The following RNF44 variants were observed in gnomAD, a reference collection of about 807,000 sequenced individuals.
RNF44 encodes the protein ring finger protein 44.
A neutral mutation model predicts 53.6 loss-of-function variants in RNF44; 25 were observed. The observed-to-expected ratio is 0.47, with a 90% CI of 0.34 to 0.65. RNF44 has a LOEUF of 0.65. Among genes scored for constraint, RNF44 ranks in the 30% least tolerant of loss-of-function variants. RNF44 has a pLI of 0.01. For missense variants in RNF44, 581 were observed against 595.5 expected, an observed-to-expected ratio of 0.98 and a Z score of 0.25; for synonymous variants, 282 against 252.2, an observed-to-expected ratio of 1.12 and a Z score of -1.12.
chr5:176,529,275 T>C lies in RNF44; in HGVS notation c.1236+13A>G, dbSNP rs754786900. 1.9e-6 allele frequency: 3 copies of C among 1,611,208 alleles called. No homozygotes were observed. The highest frequency in any genetic ancestry group is 2.2e-5 in the South Asian group (2 of 91,034). On this transcript the variant is annotated intron_variant, in intron 10 of 10. Coordinates refer to ENST00000274811, the MANE Select transcript of RNF44 (RefSeq NM_014901.5). ...CATGAGGAATACCCAGGAGCAGACC[T>C]GGGCAGTGTTACCTTCAACCACTTG...
chr5:176,527,691 G>GC lies in RNF44; in HGVS notation c.*1336dup, dbSNP rs1756151646. The GC allele has an allele frequency of 1.3e-5, 2 of 152,376 alleles. No homozygotes were observed. Among genetic ancestry groups the GC allele is most frequent in the South Asian group, 4.1e-4 (2 of 4,828 alleles). 9.4% of individuals were successfully genotyped at this position (152,376 alleles called of 1,614,324 possible). A position where few individuals can be genotyped will look rare whatever the true frequency, so the allele number is the denominator to read the frequency against. On this transcript the variant is annotated 3_prime_UTR_variant, in exon 11 of 11. Transcript: ENST00000274811. Reference sequence around the variant, plus strand: ...AGGGGCTGCCTGCTAGGATGTGCCGGCCCCACACGCAGTTCGTTCAGGGCA... The same window carrying GC: ...AGGGGCTGCCTGCTAGGATGTGCCGGCCCCCACACGCAGTTCGTTCAGGGCA...
chr5:176,530,676 T>C lies in RNF44; in HGVS notation c.707A>G (p.Tyr236Cys). Residue 236 changes from tyrosine to cysteine, a missense_variant, in exon 6 of 11, where the codon TAC becomes TGC. Tyr to Cys is a radical substitution (Grantham distance 194). Coordinates refer to ENST00000274811, the MANE Select transcript of RNF44 (RefSeq NM_014901.5). The part of the protein sequence containing the change: ...GDQPSLGSFT[Y>C]STSAPGPALS... ...GGCTGGGCCAGGCGCAGAGGTGGAG[T>C]AGGTGAAGCTGCCCAGGGAGGGCTG... is the stretch of plus-strand genomic sequence containing the variant. The C allele has an allele frequency of 6.5e-7, 1 of 1,534,098 alleles. No individual in the cohort carries two copies. Among genetic ancestry groups the C allele is most frequent in the Admixed American group, 2.2e-5 (1 of 46,502 alleles).
upstream of RNF44, among the ~76,000 whole-genome samples, chr5:176,538,894 C>A (rs148399593): frequency 2.6e-3 from 391 of 152,214 alleles, 3 homozygotes; most frequent in African/African-American, 9.1e-3. Context: ...TTAGGGAGAA[C>A]TGGAAGGGAG....
Position 176,531,086 on chromosome 5 carries a change from G to A in RNF44, c.466-65C>T. ...GGGCTCTGGGCCAGGTCTACGCCAT[G>A]CCACCCAGCAAAAGGCCCCCACCGG... On this transcript the variant is annotated intron_variant, in intron 4 of 10. Coordinates refer to ENST00000274811, the MANE Select transcript of RNF44 (RefSeq NM_014901.5). The surrounding 1 kb of genome is among the most constrained non-coding windows in gnomAD (Gnocchi z 4.2). 1 of 1,244,652 alleles carries A rather than the reference G, an allele frequency of 8.0e-7. No homozygotes were observed. The highest frequency in any genetic ancestry group is 1.1e-6 in the Non-Finnish European group (1 of 937,146). The allele number at this position is 1,244,652 out of a possible 1,614,324, so 77.1% of individuals were successfully genotyped here. A position where few individuals can be genotyped will look rare whatever the true frequency, so the allele number is the denominator to read the frequency against.
chr5:176,543,103 G>T, the RNF44 span, among the ~76,000 whole-genome samples: 1 of 151,304 alleles, frequency 6.6e-6, no homozygotes, highest in African/African-American at 2.4e-5. The surrounding 1 kb of genome is among the most constrained non-coding windows in gnomAD (Gnocchi z 4.0). Flanking sequence ...CCGCTGCCGG[G>T]CCCGGGACTG....
At position 176,531,053 on chromosome 5, in the gene RNF44, G is replaced by A. The variant is rs931008027; in HGVS notation, c.466-32C>T. ...AGAGAGGGGGCAGGGGGCTGAGAACGTTCTCCTGGGCTCTGGGCCAGGTCT... is the reference window on the plus strand; with the variant it reads ...AGAGAGGGGGCAGGGGGCTGAGAACATTCTCCTGGGCTCTGGGCCAGGTCT... On this transcript the variant is annotated intron_variant, in intron 4 of 10. Coordinates refer to ENST00000274811, the MANE Select transcript of RNF44 (RefSeq NM_014901.5). The surrounding 1 kb of genome is among the most constrained non-coding windows in gnomAD (Gnocchi z 4.2). 1.1e-5 allele frequency: 15 copies of A among 1,423,946 alleles called. No homozygotes were observed. Among genetic ancestry groups the A allele is most frequent in the South Asian group, 3.5e-5 (2 of 57,696 alleles). 88.2% of individuals were successfully genotyped at this position (1,423,946 alleles called of 1,614,324 possible).
upstream of RNF44, chr5:176,538,115 G>A (rs1213924581): frequency 1.3e-5 from 2 of 152,088 alleles, no homozygotes. Flanking sequence ...GAAGAGAGGC[G>A]GGGAACAGGT....
At position 176,531,457 on chromosome 5, in the gene RNF44, A is replaced by G. The variant is rs1242773089; in HGVS notation, c.465+6T>C. 5 of 1,550,730 alleles carry G rather than the reference A, an allele frequency of 3.2e-6. No individual in the cohort carries two copies. Among genetic ancestry groups the G allele is most frequent in the Non-Finnish European group, 4.4e-6 (5 of 1,147,778 alleles). On this transcript the variant is annotated splice_donor_region_variant and intron_variant, in intron 4 of 10. Transcript: ENST00000274811. The surrounding 1 kb of genome is among the most constrained non-coding windows in gnomAD (Gnocchi z 4.2). ...GGTGGAGGAGGAGCTAGAAACACTC[A>G]CTCACCGGGGGCGGGAGGCAGCAGA...
At chr5:176,533,162 G>C (rs1756858768) in intron 1 of RNF44, among the ~76,000 whole-genome samples, 1 of 152,178 alleles carries the variant, frequency 6.6e-6, no homozygotes, top group South Asian at 2.1e-4. Context: ...TTCCTGAGGA[G>C]GGTCCACATC....
chr5:176,541,357 C>G (rs1239921035), upstream of RNF44, among the ~76,000 whole-genome samples: 1 of 152,170 alleles, frequency 6.6e-6, no homozygotes, highest in Non-Finnish European at 1.5e-5. Flanking sequence ...AGGGGCAAAC[C>G]TGGGATCCCA....
intron 1 of RNF44, chr5:176,536,272 C>T (rs915409244): frequency 9.8e-5 from 15 of 152,314 alleles, no homozygotes; most frequent in African/African-American, 2.7e-4. Flanking sequence ...CCCTTTGCTT[C>T]TGAGCGCCTC....
intron 1 of RNF44, among the ~76,000 whole-genome samples, chr5:176,532,904 TGACACGCCAG>T (rs1340257782): frequency 6.6e-6 from 1 of 152,188 alleles, no homozygotes; most frequent in African/African-American, 2.4e-5. Context: ...GGTCCAGTGC[TGACACGCCAG>T]GACAGCTCAG....
At chr5:176,538,200 G>A (rs987607582), upstream of RNF44, among the ~76,000 whole-genome samples, 2 of 152,210 alleles carry the variant, frequency 1.3e-5, no homozygotes, top group Non-Finnish European at 2.9e-5. Context: ...GTGTCCCCGC[G>A]GAGACCTCCC....
At chr5:176,530,806 C>G (rs918392323) in intron 5 of RNF44, 42 bp downstream of exon 5, 8 of 1,465,098 alleles carry the variant, frequency 5.5e-6, no homozygotes, top group Non-Finnish European at 7.2e-6. Context: ...CCTGCCTCCC[C>G]CCACGCCATC....
In RNF44 at chr5:176,530,678, G is replaced by A; in HGVS notation, c.705C>T (p.Thr235=). Residue 235 remains threonine (T), a synonymous_variant, in exon 6 of 11, where the codon ACC becomes ACT. Coordinates refer to ENST00000274811, the MANE Select transcript of RNF44 (RefSeq NM_014901.5). ...CTGGGCCAGGCGCAGAGGTGGAGTA[G>A]GTGAAGCTGCCCAGGGAGGGCTGGT... ...RGDQPSLGSF[T]YSTSAPGPAL... 3 of 1,544,274 alleles carry A rather than the reference G, an allele frequency of 1.9e-6. No individual in the cohort carries two copies. The highest frequency in any genetic ancestry group is 2.6e-6 in the Non-Finnish European group (3 of 1,148,022).
At chr5:176,539,172 C>A (rs181196079), upstream of RNF44, among the ~76,000 whole-genome samples, 2 of 152,198 alleles carry the variant, frequency 1.3e-5, no homozygotes, top group Non-Finnish European at 2.9e-5. Flanking sequence ...AGCCGGCTGT[C>A]GGCAGATCTC....
At chr5:176,539,738 A>G (rs371248801), upstream of RNF44, among the ~76,000 whole-genome samples, 18 of 151,694 alleles carry the variant, frequency 1.2e-4, no homozygotes, top group African/African-American at 3.6e-4. Context: ...TATTTGTTAG[A>G]TTACTGCCTG....
At chr5:176,532,702 C>T (rs927412392) in intron 1 of RNF44, among the ~76,000 whole-genome samples, 186 bp from the exon 2 acceptor site, 17 of 134,498 alleles carry the variant, frequency 1.3e-4, no homozygotes, top group Admixed American at 2.6e-4. Context: ...GAGCTGAGAT[C>T]GCACCACTGC....
chr5:176,543,325 G>A, the RNF44 span, among the ~76,000 whole-genome samples: 1 of 147,704 alleles, frequency 6.8e-6, no homozygotes. This position sits in a 1 kb window ranked among gnomAD's most constrained non-coding sequence, Gnocchi z 4.0. Context: ...TGCAGCCCAG[G>A]CTCGCGGTGC....
Sources: gnomAD v4.1 joint callset for allele counts (sites outside exome capture counted in the v4.1 genomes callset) on GRCh38, gnomAD v4.1.1 for gene constraint, Gnocchi (gnomAD v3.1) non-coding constraint, MANE v1.5 for transcripts, NCBI Gene and HGNC (gene_info 2026-07-23, HGNC 2026-07-21) for gene names.